Variants in SCN11A observed in about 807,000 individuals in gnomAD.
The protein encoded by SCN11A is sodium channel protein type 11 subunit alpha.
In SCN11A, 122 loss-of-function variants were observed where a neutral mutation model predicts 162.2. The ratio of observed to expected loss-of-function variants is 0.75; its 90% CI spans 0.65 to 0.87. The LOEUF (loss-of-function observed/expected upper bound fraction) is 0.87, where lower values mean the gene tolerates loss of function less well. Ranked by LOEUF, SCN11A falls within the 40% of genes least tolerant of loss-of-function variation. SCN11A has a pLI of 0.00. For synonymous variants in SCN11A, 758 were observed against 751.5 expected (o/e 1.01, Z -0.14); for missense variants, 2,015 against 2,181.6 (o/e 0.92, Z 1.52).
chr3:38,854,649 G>A (rs9852838), intron 28 of SCN11A, among the ~76,000 whole-genome samples: 1 of 152,078 alleles, frequency 6.6e-6, no homozygotes, highest in African/African-American at 2.4e-5. Flanking sequence ...CACGAGACAG[G>A]TGAAAAGCCG....
At chr3:39,047,479 T>C (rs2032213106) in intron 1 of SCN11A, among the ~76,000 whole-genome samples, 1 of 152,148 alleles carries the variant, frequency 6.6e-6, no homozygotes, top group African/African-American at 2.4e-5. Context: ...AAAGATTTTA[T>C]GGATAAGCCC....
At chr3:39,020,569 G>T (rs921901492) in intron 2 of SCN11A, among the ~76,000 whole-genome samples, 1 of 152,192 alleles carries the variant, frequency 6.6e-6, no homozygotes, top group African/African-American at 2.4e-5. Context: ...CCTGTCCCTT[G>T]AGAGAGAAAA....
rs202104116 is a variant in SCN11A at position 38,896,950 on chromosome 3, G to A, written c.2298C>T (p.Cys766=). 294 of 1,613,738 alleles carry A rather than the reference G, an allele frequency of 1.8e-4. 2 individuals are homozygous for A. Among genetic ancestry groups the A allele is most frequent in the Middle Eastern group, 1.6e-4 (1 of 6,084 alleles). Residue 766 remains cysteine (C), a synonymous_variant, in exon 18 of 30, where the codon TGC becomes TGT. Coordinates refer to ENST00000302328, the MANE Select transcript of SCN11A (RefSeq NM_001349253.2). ...CCCACATATTTTCGATCCATTCCCC[G>A]CAGAGGATGCGGAATACCACTAGGA... The part of the protein sequence containing the change: ...HSFLVVFRIL[C]GEWIENMWEC...
intron 2 of SCN11A, among the ~76,000 whole-genome samples, chr3:39,030,482 T>C (rs2031720051): frequency 6.6e-6 from 1 of 152,212 alleles, no homozygotes; most frequent in Non-Finnish European, 1.5e-5. Context: ...CTTCCAGGCA[T>C]ATAACCCCTG....
rs1018359206 is a variant in SCN11A at position 38,899,923 on chromosome 3, T to C, written c.1993A>G (p.Ser665Gly). Residue 665 changes from serine to glycine, a missense_variant, in exon 17 of 30, where the codon AGC (serine) becomes GGC (glycine). Coordinates refer to ENST00000302328, the MANE Select transcript of SCN11A (RefSeq NM_001349253.2). Reference sequence around the variant, plus strand: ...CTGAAGGAACGCAAGAATGGCCAGCTTCTCTTTTGAAGTACACAGTTCATT... The same window carrying C: ...CTGAAGGAACGCAAGAATGGCCAGCCTCTCTTTTGAAGTACACAGTTCATT... ...DVMNCVLQKR[S>G]WPFLRSFRVL... is the part of the protein sequence containing the mutation. 1.2e-6 allele frequency: 2 copies of C among 1,614,032 alleles called. No individual in the cohort carries two copies. The highest frequency in any genetic ancestry group is 1.7e-6 in the Non-Finnish European group (2 of 1,179,940).
chr3:38,911,126 C>T (rs2065881605), intron 11 of SCN11A, among the ~76,000 whole-genome samples: 1 of 152,148 alleles, frequency 6.6e-6, no homozygotes, highest in Admixed American at 6.6e-5. Flanking sequence ...TGTTGATTAA[C>T]TTCTTGCTAT....
In SCN11A at chr3:38,850,534, A is replaced by G; in HGVS notation, c.4274T>C (p.Phe1425Ser). The G allele has an allele frequency of 6.2e-7, 1 of 1,613,986 alleles. No homozygotes were observed. Among genetic ancestry groups the G allele is most frequent in the Non-Finnish European group, 8.5e-7 (1 of 1,179,868 alleles). ...GTCAAATAAATTCCAGCCATTGGTG[A>G]AGTAGTATTGCCTCAAAGCAAAGAT... Reference protein sequence around the residue: ...IKIFALRQYYFTNGWNLFDCV... With the variant: ...IKIFALRQYYSTNGWNLFDCV... Residue 1425 changes from phenylalanine to serine, a missense_variant, in exon 29 of 30, where the codon TTC (phenylalanine) becomes TCC (serine). Transcript: ENST00000302328.
At chr3:39,050,174 C>T (rs930635999) in intron 1 of SCN11A, among the ~76,000 whole-genome samples, 1 of 152,196 alleles carries the variant, frequency 6.6e-6, no homozygotes. Flanking sequence ...ACTCCTTTCA[C>T]TTCTCTGTAC....
Position 38,870,618 on chromosome 3 carries a change from T to C in SCN11A, c.3813+73A>G, listed in dbSNP as rs972349104. ...GCTGCTGGAACTATGACGCCAGTTC[T>C]GGACTGTCCATGTAGTCATGATATC... On this transcript the variant is annotated intron_variant, in intron 26 of 29. Transcript: ENST00000302328. 46 of 1,318,070 alleles carry C rather than the reference T, an allele frequency of 3.5e-5. No homozygotes were observed. The Admixed American group carries it at 5.5e-4, about 16-fold the overall frequency. 81.6% of individuals were successfully genotyped at this position (1,318,070 alleles called of 1,614,324 possible).
At chr3:38,995,417 G>T (rs1235741369) in intron 2 of SCN11A, among the ~76,000 whole-genome samples, 1 of 152,190 alleles carries the variant, frequency 6.6e-6, no homozygotes, top group Non-Finnish European at 1.5e-5. Flanking sequence ...ATGGCACCCG[G>T]CCAATTTAAG....
intron 2 of SCN11A, among the ~76,000 whole-genome samples, chr3:39,008,398 G>A (rs1419070345): frequency 1.3e-5 from 2 of 152,158 alleles, no homozygotes; most frequent in Admixed American, 6.5e-5. Flanking sequence ...ACAAGAAAGA[G>A]GAAGCCTTAG....
chr3:38,923,479 C>G (rs928279705), intron 9 of SCN11A, among the ~76,000 whole-genome samples: 5 of 152,146 alleles, frequency 3.3e-5, no homozygotes, highest in Admixed American at 3.3e-4. Flanking sequence ...GTAATCTGAC[C>G]CCAAGGCCTG....
In SCN11A at chr3:38,894,923, G is replaced by A. The variant is rs2065570537; in HGVS notation, c.2445C>T (p.Ser815=). ...CTAAGTTTCCATTTCTTTCCTCATTGCTAAAGGAATTGAGCAGTAAGGCAA... is the reference window on the plus strand; with the variant it reads ...CTAAGTTTCCATTTCTTTCCTCATTACTAAAGGAATTGAGCAGTAAGGCAA... ...LFIALLLNSF[S]NEERNGNLEG... Residue 815 remains serine (S), a synonymous_variant, in exon 19 of 30, where the codon AGC becomes AGT. Coordinates refer to ENST00000302328, the MANE Select transcript of SCN11A (RefSeq NM_001349253.2). The A allele has an allele frequency of 6.2e-7, 1 of 1,613,686 alleles. No homozygotes were observed. The highest frequency in any genetic ancestry group is 8.5e-7 in the Non-Finnish European group (1 of 1,179,834).
intron 12 of SCN11A, 45 bp from the exon 13 acceptor site, chr3:38,909,239 C>T (rs1422361362): frequency 1.9e-6 from 3 of 1,593,676 alleles, no homozygotes; most frequent in Non-Finnish European, 2.6e-6. Context: ...CCTTCTTCCA[C>T]AGGAAAGTGA....
At chr3:38,954,625 G>T (rs1183874339) in intron 3 of SCN11A, among the ~76,000 whole-genome samples, 3 of 151,528 alleles carry the variant, frequency 2.0e-5, no homozygotes, top group Non-Finnish European at 4.4e-5. Flanking sequence ...TGTTATAGAT[G>T]ATAAAAAAAC....
intron 27 of SCN11A, 71 bp downstream of exon 27, chr3:38,867,250 G>A: frequency 7.0e-7 from 1 of 1,436,366 alleles, no homozygotes; most frequent in Non-Finnish European, 9.7e-7. Flanking sequence ...TTCTAGGCCA[G>A]AATTATGTTT....
intron 2 of SCN11A, among the ~76,000 whole-genome samples, chr3:38,988,069 T>A (rs1291817223): frequency 6.6e-6 from 1 of 152,158 alleles, no homozygotes; most frequent in African/African-American, 2.4e-5. Context: ...TCCTTGTCCA[T>A]AAATAATTAA....
At chr3:38,856,734 A>C (rs2064876136) in intron 28 of SCN11A, among the ~76,000 whole-genome samples, 1 of 152,186 alleles carries the variant, frequency 6.6e-6, no homozygotes, top group South Asian at 2.1e-4. Context: ...ATAAATAAAT[A>C]AATAAAAATG....
At chr3:38,957,588 A>T (rs982235480) in intron 3 of SCN11A, among the ~76,000 whole-genome samples, 1 of 152,108 alleles carries the variant, frequency 6.6e-6, no homozygotes, top group Admixed American at 6.5e-5. Flanking sequence ...GCCCTGCAAG[A>T]CCTTCATGAG....
Sources: allele counts gnomAD v4.1 joint callset (sites outside exome capture counted in the v4.1 genomes callset), GRCh38; gene constraint gnomAD v4.1.1; transcripts MANE v1.5; gene names NCBI Gene and HGNC (gene_info 2026-07-23, HGNC 2026-07-21).